FLII: variants seen among roughly 807,000 people sequenced by gnomAD.
The protein encoded by FLII is FLII actin remodeling protein.
Under a neutral mutation model 156.2 loss-of-function variants are expected in FLII, and 101 were observed. The observed-to-expected ratio is 0.65, with a 90% confidence interval of 0.55 to 0.76. The LOEUF (loss-of-function observed/expected upper bound fraction) is 0.76, where lower values mean the gene tolerates loss of function less well. Among genes scored for constraint, FLII ranks in the 30% least tolerant of loss-of-function variants. The probability of loss-of-function intolerance (pLI) is 0.00; values close to 1 mark genes in which losing one functional copy is unlikely to be tolerated. For synonymous variants in FLII, 767 were observed against 685.8 expected (o/e 1.12, Z -1.85); for missense variants, 1,675 against 1,682.8 (o/e 1.00, Z 0.08).
At chr17:18,252,622 C>T in intron 9 of FLII, 66 bp from the exon 10 acceptor site, 1 of 1,342,210 alleles carries the variant, frequency 7.5e-7, no homozygotes, top group Non-Finnish European at 1.1e-6. Flanking sequence ...GCAAGAAAAC[C>T]CCTAGTCCTG....
In FLII at chr17:18,246,667, G is replaced by A; in HGVS notation, c.2978C>T (p.Ser993Phe). The A allele has an allele frequency of 2.5e-6, 4 of 1,613,848 alleles. No individual in the cohort carries two copies. Among genetic ancestry groups the A allele is most frequent in the African/African-American group, 2.7e-5 (2 of 75,044 alleles). Residue 993 changes from serine to phenylalanine, a missense_variant, in exon 23 of 30, where the codon TCC becomes TTC. Physicochemically the swap from Ser to Phe is radical, Grantham distance 155 (BLOSUM62 -2). This residue lies in a region of FLII where 1,332 missense variants were observed against 1,269.3 expected (regional missense o/e 1.05). Coordinates refer to ENST00000327031, the MANE Select transcript of FLII (RefSeq NM_002018.4). Reference protein sequence around the residue: ...IVYFWQGREASNMGWLTFTFS... With the variant: ...IVYFWQGREAFNMGWLTFTFS... ...GGTGAAGGTGAGCCAGCCCATATTG[G>A]AGGCTTCACGGCCCTGCCAGAAGTA... is the stretch of plus-strand genomic sequence containing the variant.
intron 18 of FLII, 120 bp from the exon 19 acceptor site, chr17:18,248,153 C>A (rs2048149190): frequency 4.5e-6 from 3 of 661,666 alleles, no homozygotes; most frequent in Non-Finnish European, 7.8e-6. Flanking sequence ...CTTCTGTTTC[C>A]CCCTCCCCTT....
intron 2 of FLII, 41 bp from the exon 3 acceptor site, chr17:18,256,638 G>C (rs767700155): frequency 2.0e-6 from 3 of 1,527,100 alleles, no homozygotes; most frequent in South Asian, 2.4e-5. Flanking sequence ...AGGGTGGGTG[G>C]GGTGTCCAGA....
intron 6 of FLII, 93 bp downstream of exon 6, chr17:18,254,411 GAGGGATGGCTGGGCCTA>G: frequency 8.8e-7 from 1 of 1,139,076 alleles, no homozygotes; most frequent in South Asian, 1.6e-5. Context: ...TGCCTGCACG[GAGGGATGGCTGGGCCTA>G]AGGGAGAAGG....
intron 14 of FLII, among the ~76,000 whole-genome samples, chr17:18,249,979 G>A (rs1257873141): frequency 1.3e-5 from 2 of 151,764 alleles, no homozygotes; most frequent in Non-Finnish European, 1.5e-5. Context: ...AAATTAGCTA[G>A]GCGTGGTAGC....
At position 18,258,338 on chromosome 17, in the gene FLII, G is replaced by C. The variant is rs1307714260; in HGVS notation, c.63+290C>G. The C allele has an allele frequency of 4.2e-6, 3 of 711,172 alleles. No individual in the cohort carries two copies. In the East Asian group the frequency reaches 9.8e-5, roughly 23 times the overall value. The allele number at this position is 711,172 out of a possible 1,614,324, so 44.1% of individuals were successfully genotyped here. A position where few individuals can be genotyped will look rare whatever the true frequency, so the allele number is the denominator to read the frequency against. ...CGCCCGATCCCCAGGCCACCATCCA[G>C]CCTAGACCGAGAACACGGACGCGGG... On this transcript the variant is annotated intron_variant, in intron 1 of 29. Transcript: ENST00000327031. The surrounding 1 kb of genome is among the most constrained non-coding windows in gnomAD (Gnocchi z 4.2).
chr17:18,251,819 TA>T lies in FLII; in HGVS notation c.1247-4del. 1 of 1,613,526 alleles carries T rather than the reference TA, an allele frequency of 6.2e-7. No individual in the cohort carries two copies. Among genetic ancestry groups the T allele is most frequent in the Non-Finnish European group, 8.5e-7 (1 of 1,179,986 alleles). ...AGGGTCCTTGGGCCCACTCCCTGCT[TA>T]GGGGAGGGGCAAACAGCTGAGCCCT... On this transcript the variant is annotated splice_region_variant and splice_polypyrimidine_tract_variant and intron_variant, in intron 11 of 29. Transcript: ENST00000327031.
At position 18,247,154 on chromosome 17, in the gene FLII, C is replaced by CGGCCCT; in HGVS notation, c.2676+9_2676+14dup. 7.2e-7 allele frequency: 1 copy of CGGCCCT among 1,395,682 alleles called. No individual in the cohort carries two copies. Among genetic ancestry groups the CGGCCCT allele is most frequent in the Non-Finnish European group, 9.6e-7 (1 of 1,045,344 alleles). The allele number at this position is 1,395,682 out of a possible 1,614,324, so 86.5% of individuals were successfully genotyped here. On this transcript the variant is annotated intron_variant, in intron 21 of 29. Coordinates refer to ENST00000327031, the MANE Select transcript of FLII (RefSeq NM_002018.4). Reference sequence around the variant, plus strand: ...CACCCCCCCCCCCGCGCCCCGGTCCCGGCCCTGCCCCCACCTCGGCCAGCG... The same window carrying CGGCCCT: ...CACCCCCCCCCCCGCGCCCCGGTCCCGGCCCTGGCCCTGCCCCCACCTCGGCCAGCG...
chr17:18,254,962 G>T, intron 4 of FLII, 108 bp from the exon 5 acceptor site: 2 of 1,126,812 alleles, frequency 1.8e-6, no homozygotes, highest in Non-Finnish European at 2.7e-6. Flanking sequence ...GGTAGATGAG[G>T]GGGCTTCAGG....
In FLII at chr17:18,246,285, T is replaced by C. The variant is rs552950931; in HGVS notation, c.3206+23A>G. On this transcript the variant is annotated intron_variant, in intron 24 of 29. Transcript: ENST00000327031. ...TGGCTCCCTGACGCTTGCTCGCCACTGCGTCCTCCCCCAGCCAGGCACCGG... is the reference window on the plus strand; with the variant it reads ...TGGCTCCCTGACGCTTGCTCGCCACCGCGTCCTCCCCCAGCCAGGCACCGG... 21 of 1,614,034 alleles carry C rather than the reference T, an allele frequency of 1.3e-5. No homozygotes were observed. The African/African-American group carries it at 2.5e-4, about 19-fold the overall frequency.
At position 18,246,909 on chromosome 17, in the gene FLII, G is replaced by A. The variant is rs778180995; in HGVS notation, c.2816+4C>T. 6.2e-7 allele frequency: 1 copy of A among 1,614,166 alleles called. No individual in the cohort carries two copies. Among genetic ancestry groups the A allele is most frequent in the Non-Finnish European group, 8.5e-7 (1 of 1,180,008 alleles). On this transcript the variant is annotated splice_donor_region_variant and intron_variant, in intron 22 of 29. Transcript: ENST00000327031. The stretch of plus-strand genomic sequence containing the variant: ...ACTTGGGGAAGGGAGTGCTGAGGTG[G>A]TACCTGCAGAGGAAGACGTAGCAGT...
At chr17:18,249,936 T>C (rs921070867) in intron 14 of FLII, among the ~76,000 whole-genome samples, 1 of 151,266 alleles carries the variant, frequency 6.6e-6, no homozygotes, top group Non-Finnish European at 1.5e-5. Context: ...CTGGCCAACA[T>C]GGCAAAACCC....
chr17:18,247,244 G>T lies in FLII; in HGVS notation c.2601C>A (p.Ala867=), dbSNP rs776977749. Residue 867 remains alanine (A), a synonymous_variant, in exon 21 of 30, where the codon GCC becomes GCA. Transcript: ENST00000327031. ...PGLSGKVKRD[A]EKKDQMKADL... ...CAGCCTTCATCTGGTCTTTCTTCTC[G>T]GCGTCGCGTTTCACCTTCCCGGAGA... is the stretch of plus-strand genomic sequence containing the variant. 1 of 1,606,092 alleles carries T rather than the reference G, an allele frequency of 6.2e-7. No homozygotes were observed.
In FLII at chr17:18,248,792, C is replaced by T; in HGVS notation, c.2018+8G>A. 1 of 1,614,038 alleles carries T rather than the reference C, an allele frequency of 6.2e-7. No individual in the cohort carries two copies. Among genetic ancestry groups the T allele is most frequent in the Non-Finnish European group, 8.5e-7 (1 of 1,179,960 alleles). On this transcript the variant is annotated splice_region_variant and intron_variant, in intron 17 of 29. Coordinates refer to ENST00000327031, the MANE Select transcript of FLII (RefSeq NM_002018.4). ...CTTCACACAAAAGACCCCACGGTGTCCTTGTACCTGGCCTTGGTGGTGCTG... is the reference window on the plus strand; with the variant it reads ...CTTCACACAAAAGACCCCACGGTGTTCTTGTACCTGGCCTTGGTGGTGCTG...
chr17:18,251,758 A>G lies in FLII; in HGVS notation c.1305T>C (p.Asp435=). Residue 435 remains aspartate, a synonymous_variant, in exon 12 of 30, where the codon GAT becomes GAC. Coordinates refer to ENST00000327031, the MANE Select transcript of FLII (RefSeq NM_002018.4). ...GCTTGGCCTGGTCATCCTGGGCTGA[A>G]TCCTTGCGCCTCCGCAGTCGCATCT... ...ARKMRLRRRK[D]SAQDDQAKQV... The G allele has an allele frequency of 6.2e-7, 1 of 1,613,922 alleles. No homozygotes were observed. Among genetic ancestry groups the G allele is most frequent in the South Asian group, 1.1e-5 (1 of 91,082 alleles).
intron 8 of FLII, 26 bp downstream of exon 8, chr17:18,253,518 C>G (rs202072677): frequency 1.2e-6 from 2 of 1,612,992 alleles, no homozygotes; most frequent in Non-Finnish European, 8.5e-7. Context: ...TTCCTCCCAT[C>G]CCCCTACTGA....
intron 17 of FLII, 39 bp from the exon 18 acceptor site, chr17:18,248,760 C>T: frequency 7.4e-6 from 12 of 1,613,938 alleles, no homozygotes; most frequent in Non-Finnish European, 9.3e-6. Context: ...AGGCTCACAC[C>T]CCTTTCCTTC....
chr17:18,244,861 T>TTAA lies in FLII; in HGVS notation c.*274_*276dup. The TTAA allele has an allele frequency of 2.5e-6, 1 of 403,930 alleles. No homozygotes were observed. The highest frequency in any genetic ancestry group is 4.4e-6 in the Non-Finnish European group (1 of 229,020). The allele number at this position is 403,930 out of a possible 1,614,324, so 25.0% of individuals were successfully genotyped here. ...TTTTTAATATTGAAAATAAAAGCAT[T>TTAA]TAATATCTCTTAAAGGGCATCCACA... On this transcript the variant is annotated 3_prime_UTR_variant, in exon 30 of 30. Transcript: ENST00000327031.
At position 18,258,362 on chromosome 17, in the gene FLII, G is replaced by T. The variant is rs993522892; in HGVS notation, c.63+266C>A. 1.0e-5 allele frequency: 9 copies of T among 868,352 alleles called. No homozygotes were observed. The highest frequency in any genetic ancestry group is 1.5e-5 in the Non-Finnish European group (9 of 580,736). The allele number at this position is 868,352 out of a possible 1,614,324, so 53.8% of individuals were successfully genotyped here. ...AGCCTAGACCGAGAACACGGACGCG[G>T]GGTGGGGGCTCCCGGCCGGGCCCCC... On this transcript the variant is annotated intron_variant, in intron 1 of 29. Coordinates refer to ENST00000327031, the MANE Select transcript of FLII (RefSeq NM_002018.4). The surrounding 1 kb of genome is among the most constrained non-coding windows in gnomAD (Gnocchi z 4.2).
Sources: gnomAD v4.1 joint callset for allele counts (sites outside exome capture counted in the v4.1 genomes callset) on GRCh38, gnomAD v4.1.1 for gene constraint, gnomAD v4.1.1 regional missense constraint, Gnocchi (gnomAD v3.1) non-coding constraint, MANE v1.5 for transcripts, NCBI Gene and HGNC (gene_info 2026-07-23, HGNC 2026-07-21) for gene names.